Variants in POLN observed in about 807,000 individuals in gnomAD.
The protein encoded by POLN is DNA polymerase nu.
POLN carries 108 observed loss-of-function variants against 113.5 expected under a neutral mutation model. The ratio of observed to expected loss-of-function variants is 0.95; its 90% confidence interval spans 0.81 to 1.12. POLN has a LOEUF of 1.12. Ranked by LOEUF, POLN falls within the 50% of genes most tolerant of loss-of-function variation. The pLI is 0.00. For missense variants in POLN, 1,097 were observed against 1,077.1 expected, an observed-to-expected ratio of 1.02 and a Z score of -0.26; for synonymous variants, 386 against 391.5, an observed-to-expected ratio of 0.99 and a Z score of 0.17.
At chr4:2,181,270 G>A (rs562976350) in intron 7 of POLN, among the ~76,000 whole-genome samples, 79 of 152,080 alleles carry the variant, frequency 5.2e-4, no homozygotes, top group East Asian at 3.5e-3. Context: ...TCAGCCTCCC[G>A]AGTAGCTGGG....
In POLN at chr4:2,210,828, G is replaced by A. The variant is rs1733975274; in HGVS notation, c.213+2219C>T. On this transcript the variant is annotated intron_variant, in intron 4 of 25. Coordinates refer to ENST00000511885, the MANE Select transcript of POLN (RefSeq NM_181808.4). ...CCCAGCTGCTTGGGAGGCTGAGGCA[G>A]GAGAATCGCTTAAACCCAGGAGACG... Among the ~76,000 whole-genome samples the A allele has an allele frequency of 2.0e-5, 3 of 150,166 alleles. No homozygotes were observed. In the South Asian group the frequency reaches 6.3e-4, roughly 31 times the overall value.
intron 20 of POLN, 126 bp from the exon 21 acceptor site, chr4:2,085,870 T>C (rs1730538552): frequency 7.6e-7 from 1 of 1,322,428 alleles, no homozygotes; most frequent in Non-Finnish European, 1.0e-6. Context: ...GGAGTTGGCG[T>C]TGACTTTACA....
At chr4:2,119,037 T>C (rs1458617736) in intron 19 of POLN, among the ~76,000 whole-genome samples, 1 of 152,244 alleles carries the variant, frequency 6.6e-6, no homozygotes, top group Admixed American at 6.5e-5. Flanking sequence ...CCATCTTCCC[T>C]GGACAGGGAG....
At chr4:2,231,898 C>T (rs371093295) in intron 2 of POLN, 18 of 941,414 alleles carry the variant, frequency 1.9e-5, no homozygotes, top group Middle Eastern at 4.4e-4. Context: ...AAAGAGGACA[C>T]GTAATAAAGA....
At position 2,095,914 on chromosome 4, in the gene POLN, G is replaced by T; in HGVS notation, c.2002C>A (p.Gln668Lys). 6.2e-7 allele frequency: 1 copy of T among 1,614,170 alleles called. No individual in the cohort carries two copies. Residue 668 changes from glutamine (Q) to lysine (K), a missense_variant, in exon 20 of 26, where the codon CAG (glutamine) becomes AAG (lysine). Physicochemically the swap from Gln to Lys is moderately conservative, Grantham distance 53. Coordinates refer to ENST00000511885, the MANE Select transcript of POLN (RefSeq NM_181808.4). The part of the protein sequence containing the change: ...TSQWKDVPVE[Q>K]VTHADREQTK... ...TGCTCTCTGTCTGCGTGTGTCACCT[G>T]TTCCACGGGCACATCCTTCCTGCAT...
At chr4:2,115,481 G>A (rs571255946) in intron 19 of POLN, among the ~76,000 whole-genome samples, 51 of 152,058 alleles carry the variant, frequency 3.4e-4, no homozygotes, top group African/African-American at 1.2e-3. Flanking sequence ...ATTCATCTGA[G>A]ACATATTAGC....
At chr4:2,235,691 T>G (rs866012613) in intron 2 of POLN, among the ~76,000 whole-genome samples, 2 of 152,178 alleles carry the variant, frequency 1.3e-5, no homozygotes, top group Non-Finnish European at 2.9e-5. Context: ...CCACCACCAG[T>G]ATAATAACAG....
chr4:2,157,524 G>A (rs1732464300), intron 15 of POLN, among the ~76,000 whole-genome samples: 1 of 151,958 alleles, frequency 6.6e-6, no homozygotes, highest in Non-Finnish European at 1.5e-5. Flanking sequence ...AAGAGTTTGA[G>A]ACCAGCCTGG....
At chr4:2,143,932 A>T (rs1264021794) in intron 16 of POLN, among the ~76,000 whole-genome samples, 1 of 152,120 alleles carries the variant, frequency 6.6e-6, no homozygotes, top group Non-Finnish European at 1.5e-5. Flanking sequence ...AACTGGAAAC[A>T]ACCCAGATGT....
At chr4:2,083,161 C>T (rs1477409268) in intron 21 of POLN, among the ~76,000 whole-genome samples, 1 of 152,152 alleles carries the variant, frequency 6.6e-6, no homozygotes, top group Non-Finnish European at 1.5e-5. Context: ...TCTTAGTGTT[C>T]AAAAACAGAC....
chr4:2,192,076 C>CT (rs1733463888), intron 7 of POLN, among the ~76,000 whole-genome samples: 1 of 142,608 alleles, frequency 7.0e-6, no homozygotes, highest in Non-Finnish European at 1.5e-5. Context: ...GATCATGCAA[C>CT]TGCACTCTAG....
At chr4:2,227,573 A>G (rs1359771496) in intron 3 of POLN, 3 of 152,248 alleles carry the variant, frequency 2.0e-5, no homozygotes, top group Non-Finnish European at 4.4e-5. Context: ...GAAAAGTAGT[A>G]TCATATCTTT....
chr4:2,119,693 G>A (rs1225042629), intron 19 of POLN, among the ~76,000 whole-genome samples: 1 of 152,050 alleles, frequency 6.6e-6, no homozygotes, highest in Admixed American at 6.6e-5. Flanking sequence ...AAACAATAAG[G>A]CATTTACATG....
intron 16 of POLN, among the ~76,000 whole-genome samples, chr4:2,154,353 T>C (rs761713381): frequency 6.6e-6 from 1 of 151,778 alleles, no homozygotes; most frequent in African/African-American, 2.4e-5. Context: ...TCCATACCAA[T>C]AGGAAAAAAT....
intron 19 of POLN, among the ~76,000 whole-genome samples, chr4:2,124,068 A>G (rs993431230): frequency 9.9e-5 from 15 of 152,212 alleles, no homozygotes; most frequent in African/African-American, 3.6e-4. Context: ...TGAAAATACT[A>G]TGTTCAGCAA....
chr4:2,160,453 C>G (rs895668864), intron 13 of POLN, among the ~76,000 whole-genome samples: 1 of 151,954 alleles, frequency 6.6e-6, no homozygotes, highest in African/African-American at 2.4e-5. Flanking sequence ...GTTCCCCGGG[C>G]TGGAGTGAAG....
At chr4:2,220,906 C>T (rs1251746100) in intron 3 of POLN, among the ~76,000 whole-genome samples, 2 of 152,166 alleles carry the variant, frequency 1.3e-5, no homozygotes, top group Non-Finnish European at 2.9e-5. Flanking sequence ...ATGTGTATAA[C>T]TATACAAAAA....
chr4:2,161,154 G>T (rs1030556141), intron 13 of POLN, among the ~76,000 whole-genome samples: 1 of 152,230 alleles, frequency 6.6e-6, no homozygotes, highest in African/African-American at 2.4e-5. Flanking sequence ...CTCTGCCTGG[G>T]CTCCCACTTT....
At chr4:2,165,069 C>G (rs1029899336) in intron 13 of POLN, among the ~76,000 whole-genome samples, 1 of 152,280 alleles carries the variant, frequency 6.6e-6, no homozygotes, top group South Asian at 2.1e-4. Context: ...AGCAATCATA[C>G]TCTTTGGTGC....
Sources: gnomAD v4.1 joint callset for allele counts (sites outside exome capture counted in the v4.1 genomes callset) on GRCh38, gnomAD v4.1.1 for gene constraint, MANE v1.5 for transcripts, NCBI Gene and HGNC (gene_info 2026-07-23, HGNC 2026-07-21) for gene names.